The following MME variants were observed in gnomAD, a reference collection of about 807,000 sequenced individuals.
MME encodes the protein neprilysin.
A neutral mutation model predicts 113.2 loss-of-function variants in MME; 98 were observed. The observed-to-expected ratio is 0.87, with a 90% CI of 0.74 to 1.02. The LOEUF is 1.02. Ranked by LOEUF, MME falls within the 50% of genes least tolerant of loss-of-function variation. The pLI is 0.00. For missense variants in MME, 836 were observed against 896.0 expected (o/e 0.93, Z 0.86); for synonymous variants, 292 against 300.6 (o/e 0.97, Z 0.30).
In MME at chr3:155,115,140, G is replaced by A; in HGVS notation, c.343G>A (p.Glu115Lys). The A allele has an allele frequency of 6.2e-7, 1 of 1,614,086 alleles. No homozygotes were observed. The highest frequency in any genetic ancestry group is 8.5e-7 in the Non-Finnish European group (1 of 1,179,982). The change falls in exon 4 of 23, where the codon GAA (glutamate) becomes AAA (lysine). Residue 115 changes from glutamate (E) to lysine (K), a missense_variant. Transcript: ENST00000360490. ...GNFDILRDEL[E>K]VVLKDVLQEP... ...CTTTGACATTTTAAGAGATGAACTAGAAGTCGTTTTGAAAGGTTAGTAGAG... is the reference window on the plus strand; with the variant it reads ...CTTTGACATTTTAAGAGATGAACTAAAAGTCGTTTTGAAAGGTTAGTAGAG...
intron 3 of MME, among the ~76,000 whole-genome samples, chr3:155,111,325 A>G (rs973243746): frequency 6.6e-6 from 1 of 152,182 alleles, no homozygotes; most frequent in Non-Finnish European, 1.5e-5. Flanking sequence ...CAAAATATTC[A>G]TCAGAACAGA....
chr3:155,051,204 A>T (rs1212461245), intron 1 of MME, among the ~76,000 whole-genome samples: 1 of 152,226 alleles, frequency 6.6e-6, no homozygotes, highest in Non-Finnish European at 1.5e-5. Flanking sequence ...TGCTGAAAAG[A>T]TTACATGTGT....
At chr3:155,139,794 A>G (rs1026561126) in intron 9 of MME, among the ~76,000 whole-genome samples, 2 of 152,204 alleles carry the variant, frequency 1.3e-5, no homozygotes, top group Non-Finnish European at 2.9e-5. Context: ...CCGAATGGTA[A>G]TGGTGAAGAT....
Position 155,142,093 on chromosome 3 carries a change from A to G in MME, c.1060A>G (p.Lys354Glu). 1 of 1,613,876 alleles carries G rather than the reference A, an allele frequency of 6.2e-7. No homozygotes were observed. Among genetic ancestry groups the G allele is most frequent in the East Asian group, 2.2e-5 (1 of 44,874 alleles). ...TGTTTATGCTCCAGAATATTTAACCAAACTTAAGCCCATTCTTACCAAATA... is the reference window on the plus strand; with the variant it reads ...TGTTTATGCTCCAGAATATTTAACCGAACTTAAGCCCATTCTTACCAAATA... ...VVVYAPEYLT[K>E]LKPILTKYSA... Residue 354 changes from lysine (K) to glutamate (E), a missense_variant, in exon 11 of 23, where the codon AAA becomes GAA. Transcript: ENST00000360490.
chr3:155,156,135 C>A lies in MME; in HGVS notation c.1602-4255C>A, dbSNP rs140607222. Among the ~76,000 whole-genome samples the A allele has an allele frequency of 2.6e-3, 396 of 152,262 alleles. 4 individuals are homozygous for A. Among genetic ancestry groups the A allele is most frequent in the South Asian group, 5.0e-3 (24 of 4,826 alleles). On this transcript the variant is annotated intron_variant, in intron 16 of 22. Coordinates refer to ENST00000360490, the MANE Select transcript of MME (RefSeq NM_007289.4). Reference sequence around the variant, plus strand: ...TTTTGCCTTTGGGTAAAAAGTTACACTTATGGATCATTGGGAAGAGCCTGT... The same window carrying A: ...TTTTGCCTTTGGGTAAAAAGTTACAATTATGGATCATTGGGAAGAGCCTGT...
chr3:155,162,500 G>A (rs1021970199), intron 17 of MME, among the ~76,000 whole-genome samples: 12 of 151,942 alleles, frequency 7.9e-5, no homozygotes, highest in African/African-American at 2.9e-4. Flanking sequence ...ATATAAAAAA[G>A]ACCTTTTCCA....
chr3:155,131,979 G>A (rs566108291), intron 8 of MME, among the ~76,000 whole-genome samples: 2 of 152,258 alleles, frequency 1.3e-5, no homozygotes, highest in African/African-American at 4.8e-5. Flanking sequence ...AACATCAGTG[G>A]CCAAGAATGA....
chr3:155,086,981 T>A (rs1005909274), intron 3 of MME, among the ~76,000 whole-genome samples: 1 of 135,424 alleles, frequency 7.4e-6, no homozygotes, highest in Non-Finnish European at 1.6e-5. Context: ...GGTTGTGGGT[T>A]TTTTGTTTTT....
intron 13 of MME, among the ~76,000 whole-genome samples, chr3:155,143,792 A>C (rs1244753544): frequency 6.6e-6 from 1 of 152,064 alleles, no homozygotes; most frequent in Non-Finnish European, 1.5e-5. Flanking sequence ...TCTGAAACCA[A>C]CTCACCATTT....
chr3:155,057,182 T>C (rs1248815544), intron 1 of MME, among the ~76,000 whole-genome samples: 1 of 151,996 alleles, frequency 6.6e-6, no homozygotes, highest in African/African-American at 2.4e-5. Flanking sequence ...GGAGAAAATT[T>C]TCGCAACCTA....
At chr3:155,122,339 T>A (rs1420340700) in intron 8 of MME, among the ~76,000 whole-genome samples, 2 of 148,424 alleles carry the variant, frequency 1.3e-5, no homozygotes, top group Non-Finnish European at 3.0e-5. Flanking sequence ...TAGCGGTCTA[T>A]CAATTTTGTT....
In MME at chr3:155,136,113, AT is replaced by A. The variant is rs1720612837; in HGVS notation, c.721-1986del. On this transcript the variant is annotated intron_variant, in intron 8 of 22. Transcript: ENST00000360490. ...AAGAGAGAGTTTGACTTCTTTTCCT[AT>A]TTGGATGCCTTCTCTTTCGTTCTTT... is the stretch of plus-strand genomic sequence containing the variant. Among the ~76,000 whole-genome samples the A allele has an allele frequency of 3.3e-5, 5 of 152,264 alleles. No individual in the cohort carries two copies. The South Asian group carries it at 1.0e-3, about 32-fold the overall frequency.
chr3:155,130,657 G>A (rs1369408451), intron 8 of MME, among the ~76,000 whole-genome samples: 1 of 152,074 alleles, frequency 6.6e-6, no homozygotes, highest in Non-Finnish European at 1.5e-5. Context: ...TATGTACCTG[G>A]GAAAGAACAC....
At chr3:155,122,328 C>T (rs1352669486) in intron 8 of MME, among the ~76,000 whole-genome samples, 2 of 149,144 alleles carry the variant, frequency 1.3e-5, no homozygotes, top group African/African-American at 4.9e-5. Context: ...ATTAGTCTTA[C>T]TAGCGGTCTA....
intron 4 of MME, 109 bp downstream of exon 4, chr3:155,115,264 T>G (rs935761762): frequency 3.7e-6 from 5 of 1,355,776 alleles, no homozygotes; most frequent in Admixed American, 1.8e-5. Flanking sequence ...ATTAAAAAGT[T>G]AATAATCCTT....
chr3:155,051,491 TA>T (rs1713761921), intron 1 of MME, among the ~76,000 whole-genome samples: 1 of 152,108 alleles, frequency 6.6e-6, no homozygotes, highest in African/African-American at 2.4e-5. Context: ...TCAAGAAACT[TA>T]CAATCATAGT....
intron 20 of MME, among the ~76,000 whole-genome samples, chr3:155,171,232 A>G (rs895455123): frequency 2.0e-5 from 3 of 152,188 alleles, no homozygotes; most frequent in Admixed American, 1.3e-4. Flanking sequence ...CTTAACGTGT[A>G]ATGCCTTGCC....
intron 16 of MME, among the ~76,000 whole-genome samples, chr3:155,159,458 A>G (rs1036077195): frequency 1.1e-4 from 16 of 152,052 alleles, no homozygotes; most frequent in African/African-American, 3.9e-4. Context: ...ATGAGCAAGT[A>G]ACGATATATG....
intron 22 of MME, among the ~76,000 whole-genome samples, chr3:155,175,308 A>G (rs922886252): frequency 2.6e-5 from 4 of 151,650 alleles, no homozygotes; most frequent in Non-Finnish European, 5.9e-5. Context: ...CTTTCCTATT[A>G]TTGTATTGCC....
Sources: gnomAD v4.1 joint callset for allele counts (sites outside exome capture counted in the v4.1 genomes callset) on GRCh38, gnomAD v4.1.1 for gene constraint, MANE v1.5 for transcripts, NCBI Gene and HGNC (gene_info 2026-07-23, HGNC 2026-07-21) for gene names.